Variants in COL6A1 observed in about 807,000 individuals in gnomAD.
COL6A1 encodes the protein collagen alpha-1(VI) chain.
Under a neutral mutation model 145.6 loss-of-function variants are expected in COL6A1, and 80 were observed. That is an observed-to-expected ratio of 0.55 (90% CI 0.46 to 0.66). The LOEUF is 0.66. Among genes scored for constraint, COL6A1 ranks in the 30% least tolerant of loss-of-function variants. The pLI is 0.00. For synonymous variants in COL6A1, 638 were observed against 622.8 expected, an observed-to-expected ratio of 1.02 and a Z score of -0.36; for missense variants, 1,364 against 1,473.8, an observed-to-expected ratio of 0.93 and a Z score of 1.22.
Position 45,982,313 on chromosome 21 carries a change from G to GC in COL6A1, c.98-320dup, listed in dbSNP as rs72562356. Among the ~76,000 whole-genome samples the GC allele has an allele frequency of 0.85, 129,452 of 151,472 alleles. 55,322 individuals are homozygous for GC. The highest frequency in any genetic ancestry group is 0.93 in the East Asian group (4,636 of 5,008). ...CGACCCCCGTTCTAGAAGAAGTCGT[G>GC]CGCTGCTGGTTCTGAATCCAGCGAG... On this transcript the variant is annotated intron_variant, in intron 1 of 34. Coordinates refer to ENST00000361866, the MANE Select transcript of COL6A1 (RefSeq NM_001848.3).
In COL6A1 at chr21:45,986,679, C is replaced by T; in HGVS notation, c.582C>T (p.Asp194=). ...TCTTCTCGGTGGCCATCACACCCGA[C>T]CACCTGGTAGGCACCGGCCCCCCCC... is the stretch of plus-strand genomic sequence containing the variant. ...VKVFSVAITP[D]HLEPRLSIIA... The change falls in exon 4 of 35, where the codon GAC becomes GAT. Residue 194 remains aspartate, a synonymous_variant. Coordinates refer to ENST00000361866, the MANE Select transcript of COL6A1 (RefSeq NM_001848.3). 2 of 1,547,278 alleles carry T rather than the reference C, an allele frequency of 1.3e-6. No homozygotes were observed. Among genetic ancestry groups the T allele is most frequent in the Non-Finnish European group, 1.7e-6 (2 of 1,147,048 alleles).
intron 11 of COL6A1, among the ~76,000 whole-genome samples, 186 bp from the exon 12 acceptor site, chr21:45,990,072 C>G (rs867246750): frequency 7.0e-5 from 10 of 142,828 alleles, no homozygotes; most frequent in Non-Finnish European, 1.6e-5. Context: ...AGCCGGGGGT[C>G]CCCCGGGCGG....
intron 31 of COL6A1, 21 bp from the exon 32 acceptor site, chr21:46,002,197 T>G (rs1397036046): frequency 3.8e-6 from 6 of 1,589,278 alleles, no homozygotes; most frequent in Non-Finnish European, 4.3e-6. Flanking sequence ...CAACCGGCCC[T>G]TCCTGCCCTT....
Position 45,994,292 on chromosome 21 carries a change from C to A in COL6A1, c.1398+63C>A. On this transcript the variant is annotated intron_variant, in intron 20 of 34. Transcript: ENST00000361866. The surrounding 1 kb of genome is among the most constrained non-coding windows in gnomAD (Gnocchi z 6.8). ...TTGGGTTTTGGGGGTAGAAGTGCTC[C>A]AGCAGCTCACGCACTGGGGGTCTGT... 1 of 1,459,446 alleles carries A rather than the reference C, an allele frequency of 6.9e-7. No individual in the cohort carries two copies. The highest frequency in any genetic ancestry group is 1.2e-5 in the South Asian group (1 of 83,212). 90.4% of individuals were successfully genotyped at this position (1,459,446 alleles called of 1,614,324 possible).
chr21:45,984,515 T>G, intron 3 of COL6A1, 46 bp downstream of exon 3: 3 of 1,574,898 alleles, frequency 1.9e-6, no homozygotes, highest in South Asian at 1.1e-5. Context: ...TCACGCGTGG[T>G]ACCCAGCCTG....
intron 29 of COL6A1, 120 bp from the exon 30 acceptor site, chr21:46,001,130 CGGG>C: frequency 7.3e-7 from 1 of 1,370,678 alleles, no homozygotes; most frequent in Admixed American, 2.0e-5. Flanking sequence ...GGGGCTGAGA[CGGG>C]GGGACCCCAA....
Position 46,001,983 on chromosome 21 carries a change from C to T in COL6A1, c.1979C>T (p.Ala660Val), listed in dbSNP as rs748997622. Residue 660 changes from alanine (A) to valine (V), a missense_variant, in exon 31 of 35, where the codon GCG (alanine) becomes GTG (valine). Transcript: ENST00000361866. ...LVKFEPGQSY[A>V]GVVQYSHSQM... is the part of the protein sequence containing the mutation. ...CAGTTCGAGCCAGGGCAGTCGTACGCGGGTGTGGTGCAGTACAGCCACAGC... is the reference window on the plus strand; with the variant it reads ...CAGTTCGAGCCAGGGCAGTCGTACGTGGGTGTGGTGCAGTACAGCCACAGC... 31 of 1,612,478 alleles carry T rather than the reference C, an allele frequency of 1.9e-5. No homozygotes were observed. The highest frequency in any genetic ancestry group is 7.7e-5 in the South Asian group (7 of 91,014).
At chr21:46,000,854 C>G in intron 29 of COL6A1, 87 bp downstream of exon 29, 2 of 1,525,514 alleles carry the variant, frequency 1.3e-6, no homozygotes, top group South Asian at 2.2e-5. Flanking sequence ...CAGGACAGCA[C>G]ATGGCACTCT....
rs1385646650 is a variant in COL6A1, at chr21:45,987,655, G to T, written c.804+1G>T. 1 of 1,609,064 alleles carries T rather than the reference G, an allele frequency of 6.2e-7. No homozygotes were observed. Among genetic ancestry groups the T allele is most frequent in the Non-Finnish European group, 8.5e-7 (1 of 1,178,610 alleles). ...GCTCCGGGGCGACCCCGGCTTTGAG[G>T]TGAGTGGTGACTCCTGCTCCTCCCA... On this transcript the variant is annotated splice_donor_variant, in intron 8 of 34. Coordinates refer to ENST00000361866, the MANE Select transcript of COL6A1 (RefSeq NM_001848.3). LOFTEE classifies it high-confidence loss of function.
At chr21:45,990,341 T>G (rs2077767490) in intron 12 of COL6A1, 37 bp from the exon 13 acceptor site, 2 of 1,611,704 alleles carry the variant, frequency 1.2e-6, no homozygotes, top group Non-Finnish European at 1.7e-6. Context: ...ATGTCTGACC[T>G]GCATCTGACT....
Position 46,000,564 on chromosome 21 carries a change from G to A in COL6A1, c.1814-195G>A, listed in dbSNP as rs995536457. 2.6e-5 allele frequency among the ~76,000 whole-genome samples: 4 copies of A among 152,092 alleles called. No homozygotes were observed. The East Asian group carries it at 5.8e-4, about 22-fold the overall frequency. ...GTCCCCGCACAGGCTGAGAGTCCCC[G>A]GTGCGGTGCAGAGCTGCCACGTGGG... On this transcript the variant is annotated intron_variant, in intron 28 of 34. Coordinates refer to ENST00000361866, the MANE Select transcript of COL6A1 (RefSeq NM_001848.3).
chr21:45,999,487 C>T (rs1399679379), intron 26 of COL6A1, 170 bp from the exon 27 acceptor site: 2 of 829,370 alleles, frequency 2.4e-6, no homozygotes, highest in African/African-American at 3.4e-5. Context: ...TGTGCGAAGC[C>T]CCAGCTGCCC....
chr21:45,983,552 C>T (rs1442959155), intron 2 of COL6A1, among the ~76,000 whole-genome samples: 3 of 152,024 alleles, frequency 2.0e-5, no homozygotes, highest in Admixed American at 1.3e-4. Context: ...CAGAGGCTGC[C>T]GGTAACAGCA....
At chr21:45,982,020 T>C (rs934699396) in intron 1 of COL6A1, 73 bp downstream of exon 1, 11 of 1,239,036 alleles carry the variant, frequency 8.9e-6, no homozygotes, top group Non-Finnish European at 1.3e-5. Context: ...ATGCGCGGGG[T>C]CCCCTCCCAC....
chr21:45,987,122 A>G (rs1264614276), intron 5 of COL6A1, 33 bp from the exon 6 acceptor site: 1 of 1,587,248 alleles, frequency 6.3e-7, no homozygotes, highest in South Asian at 1.1e-5. Flanking sequence ...CCGCAGGTGG[A>G]AAGTAATTCT....
At chr21:45,982,050 G>C (rs2077710243) in intron 1 of COL6A1, 103 bp downstream of exon 1, 1 of 960,064 alleles carries the variant, frequency 1.0e-6, no homozygotes, top group Non-Finnish European at 1.6e-6. Flanking sequence ...TGCAGACTGG[G>C]GGCCTGGAGC....
rs146662894 is a variant in COL6A1 at position 46,003,395 on chromosome 21, G to A, written c.2469G>A (p.Thr823=). Residue 823 remains threonine (T), a synonymous_variant, in exon 35 of 35, where the codon ACG becomes ACA. Transcript: ENST00000361866. ...KKCPDYTCPI[T]FSSPADITIL... ...GCTGCCCACCCCGCCCCGCAGTCAC[G>A]TTCTCCTCCCCGGCTGACATCACCA... 1.1e-3 allele frequency: 1,743 copies of A among 1,600,540 alleles called. 2 individuals are homozygous for A. Among genetic ancestry groups the A allele is most frequent in the Non-Finnish European group, 1.2e-3 (1,470 of 1,179,720 alleles).
chr21:45,999,100 C>G, intron 25 of COL6A1, 53 bp from the exon 26 acceptor site: 1 of 1,552,144 alleles, frequency 6.4e-7, no homozygotes, highest in Non-Finnish European at 8.7e-7. Flanking sequence ...GGGGCCAGCG[C>G]GCAGATGCCC....
chr21:45,987,579 G>T (rs1490424024), intron 7 of COL6A1, 31 bp from the exon 8 acceptor site: 6 of 1,612,508 alleles, frequency 3.7e-6, no homozygotes, highest in Non-Finnish European at 5.1e-6. Flanking sequence ...TGAGTCTGGG[G>T]TCCTGGCTGA....
Sources: gnomAD v4.1 joint callset for allele counts (sites outside exome capture counted in the v4.1 genomes callset) on GRCh38, gnomAD v4.1.1 for gene constraint, Gnocchi (gnomAD v3.1) non-coding constraint, MANE v1.5 for transcripts, NCBI Gene and HGNC (gene_info 2026-07-23, HGNC 2026-07-21) for gene names.